The following CD4 variants were observed in gnomAD, a reference collection of about 807,000 sequenced individuals.
CD4 encodes the protein CD4 molecule.
A neutral mutation model predicts 50.5 loss-of-function variants in CD4; 25 were observed. That is an observed-to-expected ratio of 0.49 (90% CI 0.36 to 0.69). The LOEUF is 0.69. Ranked by LOEUF, CD4 falls within the 30% of genes least tolerant of loss-of-function variation. CD4 has a pLI of 0.00. For synonymous variants in CD4, 207 were observed against 221.9 expected (o/e 0.93, Z 0.60); for missense variants, 456 against 548.5 (o/e 0.83, Z 1.68).
Position 6,818,108 on chromosome 12 carries a change from A to G in CD4, c.1157-313A>G, listed in dbSNP as rs57497751. 0.14 allele frequency among the ~76,000 whole-genome samples: 21,440 copies of G among 148,708 alleles called. 3,212 individuals are homozygous for G. The highest frequency in any genetic ancestry group is 0.39 in the African/African-American group (15,666 of 40,330). On this transcript the variant is annotated intron_variant, in intron 7 of 9. Transcript: ENST00000011653. This position sits in a 1 kb window ranked among gnomAD's most constrained non-coding sequence, Gnocchi z 5.0. Reference sequence around the variant, plus strand: ...CTCACACGCGCACACGCGCGCACACACACACATTCACACCATTCACACACG... The same window carrying G: ...CTCACACGCGCACACGCGCGCACACGCACACATTCACACCATTCACACACG...
At chr12:6,812,827 T>C (rs1414250880) in intron 3 of CD4, among the ~76,000 whole-genome samples, 1 of 151,930 alleles carries the variant, frequency 6.6e-6, no homozygotes, top group African/African-American at 2.4e-5. Context: ...AGTCTCACTC[T>C]CTCACCAAGG....
intron 3 of CD4, among the ~76,000 whole-genome samples, chr12:6,800,804 A>C (rs1942520850): frequency 6.6e-6 from 1 of 152,178 alleles, no homozygotes; most frequent in Non-Finnish European, 1.5e-5. Flanking sequence ...CATATGTATA[A>C]TCCTAGCACT....
chr12:6,794,012 T>TCTATCAC lies in CD4; in HGVS notation c.-68+4355_-68+4356insACCTATC, dbSNP rs1373944665. ...TATCTATCTATCTATCTATCACCTATCTATCTAATCTATCTATATCTGTCT... is the reference window on the plus strand; with the variant it reads ...TATCTATCTATCTATCTATCACCTATCTATCACCTATCTAATCTATCTATATCTGTCT... On this transcript the variant is annotated intron_variant, in intron 1 of 9. Transcript: ENST00000011653. Among the ~76,000 whole-genome samples, 11 of 139,820 alleles carry TCTATCAC rather than the reference T, an allele frequency of 7.9e-5. No homozygotes were observed. In the East Asian group the frequency reaches 1.9e-3, roughly 24 times the overall value. 91.7% of individuals were successfully genotyped at this position (139,820 alleles called of 152,430 possible). A position where few individuals can be genotyped will look rare whatever the true frequency, so the allele number is the denominator to read the frequency against.
chr12:6,803,584 A>T (rs1407229203), intron 3 of CD4, among the ~76,000 whole-genome samples: 1 of 150,362 alleles, frequency 6.7e-6, no homozygotes, highest in African/African-American at 2.4e-5. Flanking sequence ...GGAGATCAAG[A>T]TCATCCTGGC....
chr12:6,792,659 G>A lies in CD4; in HGVS notation c.-68+2997G>A, dbSNP rs1272366273. 2.0e-5 allele frequency among the ~76,000 whole-genome samples: 3 copies of A among 152,180 alleles called. No homozygotes were observed. The highest frequency in any genetic ancestry group is 4.4e-5 in the Non-Finnish European group (3 of 68,042). ...CACATCCACCCTGGGCTGCAGGCGT[G>A]CTCGGCAGGCTCCCCACAGATCAAA... On this transcript the variant is annotated intron_variant, in intron 1 of 9. Coordinates refer to ENST00000011653, the MANE Select transcript of CD4 (RefSeq NM_000616.5). This position sits in a 1 kb window ranked among gnomAD's most constrained non-coding sequence, Gnocchi z 4.1.
At position 6,798,480 on chromosome 12, in the gene CD4, C is replaced by T. The variant is rs116704075; in HGVS notation, c.-67-1592C>T. ...AGGCAAGAACTTTTTAAAAGTGCAT[C>T]TTGCGCAGCCCTAGATCCATTAAAC... On this transcript the variant is annotated intron_variant, in intron 1 of 9. Coordinates refer to ENST00000011653, the MANE Select transcript of CD4 (RefSeq NM_000616.5). 5.7e-3 allele frequency among the ~76,000 whole-genome samples: 864 copies of T among 151,846 alleles called. 39 individuals carry two copies. The highest frequency in any genetic ancestry group is 0.02 in the African/African-American group (830 of 41,352).
In CD4 at chr12:6,818,529, G is replaced by GCCGGCA. The variant is rs781790850; in HGVS notation, c.1269_1274dup (p.His424_Arg425dup). 3.7e-6 allele frequency: 6 copies of GCCGGCA among 1,612,872 alleles called. No homozygotes were observed. Among genetic ancestry groups the GCCGGCA allele is most frequent in the Non-Finnish European group, 4.2e-6 (5 of 1,180,018 alleles). ...CTAGGCATCTTCTTCTGTGTCAGGT[G>GCCGGCA]CCGGCACCGAAGGGTGAGTAACCCC... On this transcript the variant is annotated inframe_insertion, in exon 8 of 10. Coordinates refer to ENST00000011653, the MANE Select transcript of CD4 (RefSeq NM_000616.5). The surrounding 1 kb of genome is among the most constrained non-coding windows in gnomAD (Gnocchi z 5.0).
chr12:6,802,222 T>C (rs782359486), intron 3 of CD4, among the ~76,000 whole-genome samples: 2 of 152,170 alleles, frequency 1.3e-5, no homozygotes, highest in Non-Finnish European at 1.5e-5. Flanking sequence ...AAATATTTGG[T>C]CAATGAAGAA....
chr12:6,810,095 G>T (rs782472068), intron 3 of CD4, among the ~76,000 whole-genome samples: 1 of 152,162 alleles, frequency 6.6e-6, no homozygotes, highest in East Asian at 1.9e-4. Context: ...TCACCATGTT[G>T]GCCAGGCTGG....
At chr12:6,807,616 G>C (rs782092516) in intron 3 of CD4, among the ~76,000 whole-genome samples, 1 of 152,136 alleles carries the variant, frequency 6.6e-6, no homozygotes, top group Non-Finnish European at 1.5e-5. Flanking sequence ...ACCTTATGGC[G>C]CCGGAAATGT....
At chr12:6,795,722 G>C (rs1942356423) in intron 1 of CD4, among the ~76,000 whole-genome samples, 1 of 152,280 alleles carries the variant, frequency 6.6e-6, no homozygotes, top group Non-Finnish European at 1.5e-5. Context: ...GGCTGCAGGT[G>C]AGGATGAACA....
intron 5 of CD4, chr12:6,815,810 G>T: frequency 1.4e-6 from 2 of 1,466,450 alleles, no homozygotes; most frequent in Non-Finnish European, 1.8e-6. Flanking sequence ...AGGATCCCCT[G>T]TGGCTGGGCT....
chr12:6,804,689 A>G (rs1459738064), intron 3 of CD4, among the ~76,000 whole-genome samples: 1 of 152,160 alleles, frequency 6.6e-6, no homozygotes, highest in Non-Finnish European at 1.5e-5. Context: ...CCCGGGCAAC[A>G]TAGTGAGACC....
chr12:6,796,121 G>A (rs1287345025), intron 1 of CD4, among the ~76,000 whole-genome samples: 2 of 152,236 alleles, frequency 1.3e-5, no homozygotes, highest in East Asian at 1.9e-4. Context: ...GTTAGCCAAA[G>A]CCATACCAAG....
At position 6,816,213 on chromosome 12, in the gene CD4, C is replaced by G; in HGVS notation, c.765C>G (p.Asp255Glu). 6.2e-7 allele frequency: 1 copy of G among 1,614,136 alleles called. No individual in the cohort carries two copies. The highest frequency in any genetic ancestry group is 8.5e-7 in the Non-Finnish European group (1 of 1,180,014). Residue 255 changes from aspartate to glutamate, a missense_variant, in exon 6 of 10, where the codon GAC (aspartate) becomes GAG (glutamate). Physicochemically the swap from Asp to Glu is conservative, Grantham distance 45. Coordinates refer to ENST00000011653, the MANE Select transcript of CD4 (RefSeq NM_000616.5). This position sits in a 1 kb window ranked among gnomAD's most constrained non-coding sequence, Gnocchi z 4.9. The part of the protein sequence containing the change: ...ASSSKSWITF[D>E]LKNKEVSVKR... ...CCTCCAAGTCTTGGATCACCTTTGA[C>G]CTGAAGAACAAGGAAGTGTCTGTAA...
At chr12:6,805,746 C>G (rs939308170) in intron 3 of CD4, among the ~76,000 whole-genome samples, 1 of 151,832 alleles carries the variant, frequency 6.6e-6, no homozygotes, top group Non-Finnish European at 1.5e-5. Flanking sequence ...AAGTTTAATC[C>G]AATTCCTATA....
At chr12:6,813,840 T>C (rs1555117393) in intron 3 of CD4, among the ~76,000 whole-genome samples, 1 of 152,202 alleles carries the variant, frequency 6.6e-6, no homozygotes, top group East Asian at 1.9e-4. Flanking sequence ...GTGTTGACAG[T>C]ATCTATTTCT....
intron 3 of CD4, among the ~76,000 whole-genome samples, chr12:6,807,471 A>G (rs868941957): frequency 6.6e-5 from 10 of 152,236 alleles, no homozygotes; most frequent in South Asian, 2.1e-4. Flanking sequence ...CTCAAAAGGT[A>G]ATATACTGTA....
chr12:6,814,263 G>A lies in CD4; in HGVS notation c.336G>A (p.Glu112=). 1 of 1,614,122 alleles carries A rather than the reference G, an allele frequency of 6.2e-7. No homozygotes were observed. The highest frequency in any genetic ancestry group is 8.5e-7 in the Non-Finnish European group (1 of 1,179,990). ...CAGATACTTACATCTGTGAAGTGGAGGACCAGAAGGAGGAGGTGCAATTGC... is the reference window on the plus strand; with the variant it reads ...CAGATACTTACATCTGTGAAGTGGAAGACCAGAAGGAGGAGGTGCAATTGC... ...EDSDTYICEV[E]DQKEEVQLLV... is the part of the protein sequence containing the mutation. Residue 112 remains glutamate, a synonymous_variant, in exon 4 of 10, where the codon GAG becomes GAA. Transcript: ENST00000011653.
Sources: gnomAD v4.1 joint callset for allele counts (sites outside exome capture counted in the v4.1 genomes callset) on GRCh38, gnomAD v4.1.1 for gene constraint, Gnocchi (gnomAD v3.1) non-coding constraint, MANE v1.5 for transcripts, NCBI Gene and HGNC (gene_info 2026-07-23, HGNC 2026-07-21) for gene names.